MACF1: variants seen among roughly 807,000 people sequenced by gnomAD.
MACF1 encodes microtubule-actin cross-linking factor 1.
In MACF1, 193 loss-of-function variants were observed where a neutral mutation model predicts 854.8. The ratio of observed to expected loss-of-function variants is 0.23; its 90% CI spans 0.20 to 0.25. The LOEUF (loss-of-function observed/expected upper bound fraction) is 0.25, where lower values mean the gene tolerates loss of function less well. Ranked by LOEUF, MACF1 falls within the 10% of genes least tolerant of loss-of-function variation. MACF1 has a pLI of 1.00. For synonymous variants in MACF1, 3,185 were observed against 3,226.7 expected (o/e 0.99, Z 0.44); for missense variants, 7,722 against 8,929.1 (o/e 0.86, Z 5.45).
chr1:39,403,195 T>C (rs921603283), intron 58 of MACF1, among the ~76,000 whole-genome samples: 8 of 152,136 alleles, frequency 5.3e-5, no homozygotes, highest in African/African-American at 1.9e-4. Flanking sequence ...ACCTCCCAAG[T>C]TCAAGTGGTT....
At chr1:39,339,548 G>T (rs561455542) in intron 38 of MACF1, among the ~76,000 whole-genome samples, 139 of 152,316 alleles carry the variant, frequency 9.1e-4, no homozygotes, top group Non-Finnish European at 1.8e-3. Flanking sequence ...AGAAATGGGA[G>T]GTTGGAAAGT....
intron 2 of MACF1, among the ~76,000 whole-genome samples, chr1:39,137,113 AC>A (rs1187720699): frequency 1.3e-5 from 2 of 152,160 alleles, no homozygotes; most frequent in East Asian, 3.8e-4. Flanking sequence ...TCTGTTGCCC[AC>A]GTTGGAATGC....
intron 2 of MACF1, among the ~76,000 whole-genome samples, chr1:39,187,193 T>C (rs1275287434): frequency 6.6e-6 from 1 of 152,196 alleles, no homozygotes; most frequent in Non-Finnish European, 1.5e-5. Flanking sequence ...TAATATACTA[T>C]GATTACATTT....
Position 39,319,800 on chromosome 1 carries a change from C to A in MACF1, c.4029+53C>A, listed in dbSNP as rs1646479111. ...ATGAATCATCACCAGCTCAGGAAAACCTACATCTTCACTGTAGGTTCTGTT... is the reference window on the plus strand; with the variant it reads ...ATGAATCATCACCAGCTCAGGAAAAACTACATCTTCACTGTAGGTTCTGTT... On this transcript the variant is annotated intron_variant, in intron 31 of 100. Coordinates refer to ENST00000564288, the MANE Select transcript of MACF1 (RefSeq NM_001394062.1). 18 of 1,275,494 alleles carry A rather than the reference C, an allele frequency of 1.4e-5. No homozygotes were observed. The South Asian group carries it at 2.2e-4, about 16-fold the overall frequency. 79.0% of individuals were successfully genotyped at this position (1,275,494 alleles called of 1,614,324 possible).
chr1:39,442,339 G>T lies in MACF1; in HGVS notation c.18948+19G>T. The T allele has an allele frequency of 6.3e-7, 1 of 1,598,036 alleles. No homozygotes were observed. Among genetic ancestry groups the T allele is most frequent in the African/African-American group, 1.3e-5 (1 of 74,170 alleles). On this transcript the variant is annotated intron_variant, in intron 76 of 100. Coordinates refer to ENST00000564288, the MANE Select transcript of MACF1 (RefSeq NM_001394062.1). The stretch of plus-strand genomic sequence containing the variant: ...CCGACAGGTAAGGCAGGTGGTAGAT[G>T]ACATCAGTGAACTACTCTCCGCTCT...
At position 39,485,895 on chromosome 1, in the gene MACF1, T is replaced by C. The variant is rs946268633; in HGVS notation, c.*101T>C. On this transcript the variant is annotated 3_prime_UTR_variant, in exon 101 of 101. Coordinates refer to ENST00000564288, the MANE Select transcript of MACF1 (RefSeq NM_001394062.1). The stretch of plus-strand genomic sequence containing the variant: ...GGGAGAAGTTATATTGTTAAAAGTG[T>C]AAAAGAATAATTGTGTTATGAAGCT... The C allele has an allele frequency of 7.2e-6, 9 of 1,245,294 alleles. No individual in the cohort carries two copies. In the East Asian group the frequency reaches 2.5e-4, roughly 35 times the overall value. The allele number at this position is 1,245,294 out of a possible 1,614,324, so 77.1% of individuals were successfully genotyped here.
chr1:39,307,126 C>T (rs1251210638), intron 23 of MACF1, among the ~76,000 whole-genome samples: 3 of 151,974 alleles, frequency 2.0e-5, no homozygotes, highest in Non-Finnish European at 4.4e-5. Context: ...CTGCCCGCCT[C>T]GGCCTTCCAA....
Position 39,333,757 on chromosome 1 carries a change from T to C in MACF1, c.7169T>C (p.Val2390Ala). 1 of 1,614,160 alleles carries C rather than the reference T, an allele frequency of 6.2e-7. No homozygotes were observed. Among genetic ancestry groups the C allele is most frequent in the African/African-American group, 1.3e-5 (1 of 75,038 alleles). ...TLCSVKDAVT[V>A]GLLDKETATR... ...TGCTCTGTAAAGGATGCAGTTACAG[T>C]TGGACTTCTTGACAAGGAAACAGCC... The change falls in exon 37 of 101, where the codon GTT (valine) becomes GCT (alanine). Residue 2390 changes from valine (V) to alanine (A), a missense_variant. Val to Ala is a moderately conservative substitution (Grantham distance 64). Coordinates refer to ENST00000564288, the MANE Select transcript of MACF1 (RefSeq NM_001394062.1).
At chr1:39,156,932 G>C (rs1643700631) in intron 2 of MACF1, among the ~76,000 whole-genome samples, 1 of 151,338 alleles carries the variant, frequency 6.6e-6, no homozygotes, top group Non-Finnish European at 1.5e-5. Context: ...AGGCACAAAA[G>C]CTTGGGTTGG....
intron 6 of MACF1, among the ~76,000 whole-genome samples, chr1:39,273,839 C>T (rs1571248353): frequency 6.6e-6 from 1 of 152,204 alleles, no homozygotes; most frequent in South Asian, 2.1e-4. Flanking sequence ...ATCCGCCCGC[C>T]TCGGCTTCCC....
At chr1:39,455,233 CT>C in intron 89 of MACF1, 136 bp downstream of exon 89, 1 of 798,084 alleles carries the variant, frequency 1.3e-6, no homozygotes, top group Non-Finnish European at 2.0e-6. Context: ...ACAACACATA[CT>C]TACTTACCTC....
chr1:39,418,632 G>T (rs756518201), intron 58 of MACF1, among the ~76,000 whole-genome samples: 1 of 152,182 alleles, frequency 6.6e-6, no homozygotes, highest in Non-Finnish European at 1.5e-5. Flanking sequence ...GAAGGCTCAG[G>T]CAGGCAGATC....
Position 39,283,963 on chromosome 1 carries a change from A to G in MACF1, c.916-103A>G. ...AACTGAGCAGCATCTAGGCAATTAA[A>G]GGAAATGGATTTTATATAGTTTGGA... On this transcript the variant is annotated intron_variant, in intron 9 of 100. Coordinates refer to ENST00000564288, the MANE Select transcript of MACF1 (RefSeq NM_001394062.1). This position sits in a 1 kb window ranked among gnomAD's most constrained non-coding sequence, Gnocchi z 4.5. The G allele has an allele frequency of 4.6e-6, 6 of 1,304,878 alleles. No individual in the cohort carries two copies. Among genetic ancestry groups the G allele is most frequent in the Non-Finnish European group, 6.4e-6 (6 of 933,854 alleles). 80.8% of individuals were successfully genotyped at this position (1,304,878 alleles called of 1,614,324 possible).
At chr1:39,185,426 G>A (rs1276077539) in intron 2 of MACF1, among the ~76,000 whole-genome samples, 1 of 152,116 alleles carries the variant, frequency 6.6e-6, no homozygotes, top group Non-Finnish European at 1.5e-5. Flanking sequence ...AGGAGTTCAA[G>A]GCTATAGAAT....
chr1:39,354,528 CCAA>C (rs1260052781), intron 44 of MACF1, among the ~76,000 whole-genome samples: 1 of 152,128 alleles, frequency 6.6e-6, no homozygotes, highest in African/African-American at 2.4e-5. Flanking sequence ...CATCAGCCTC[CCAA>C]GTAGCTAAGA....
chr1:39,235,090 T>G (rs1422219936), intron 2 of MACF1, among the ~76,000 whole-genome samples: 3 of 151,044 alleles, frequency 2.0e-5, no homozygotes, highest in East Asian at 2.0e-4. Context: ...CGCTCCTCAC[T>G]TCCCAGACGG....
At chr1:39,159,322 CCAGA>C (rs1299846998) in intron 2 of MACF1, among the ~76,000 whole-genome samples, 1 of 152,206 alleles carries the variant, frequency 6.6e-6, no homozygotes, top group Non-Finnish European at 1.5e-5. Flanking sequence ...TTTGAGGTGG[CCAGA>C]CAGTGTGGGT....
At chr1:39,445,820 T>A (rs1644218229) in intron 80 of MACF1, among the ~76,000 whole-genome samples, 1 of 152,030 alleles carries the variant, frequency 6.6e-6, no homozygotes, top group South Asian at 2.1e-4. Flanking sequence ...ATTAGCCAGG[T>A]GTAGTGGCAC....
intron 35 of MACF1, among the ~76,000 whole-genome samples, chr1:39,326,408 C>T (rs763432335): frequency 1.4e-4 from 21 of 152,206 alleles, no homozygotes; most frequent in Non-Finnish European, 2.5e-4. Context: ...CGGCCAGGTG[C>T]GGTGGCTCAC....
Sources: allele counts gnomAD v4.1 joint callset (sites outside exome capture counted in the v4.1 genomes callset), GRCh38; gene constraint gnomAD v4.1.1; non-coding constraint Gnocchi (gnomAD v3.1); transcripts MANE v1.5; gene names NCBI Gene and HGNC (gene_info 2026-07-23, HGNC 2026-07-21).